The following HECTD4 variants were observed in gnomAD, a reference collection of about 807,000 sequenced individuals.
HECTD4 encodes probable E3 ubiquitin-protein ligase HECTD4.
A neutral mutation model predicts 471.5 loss-of-function variants in HECTD4; 114 were observed. The observed-to-expected ratio is 0.24, with a 90% CI of 0.21 to 0.28. HECTD4 has a LOEUF of 0.28. HECTD4 is among the 10% of genes least tolerant of loss of function. The pLI is 1.00. For missense variants in HECTD4, 3,866 were observed against 5,651.5 expected, an observed-to-expected ratio of 0.68 and a Z score of 10.13; for synonymous variants, 2,012 against 2,256.0, an observed-to-expected ratio of 0.89 and a Z score of 3.07.
intron 1 of HECTD4, among the ~76,000 whole-genome samples, chr12:112,355,650 G>A (rs954399233): frequency 6.6e-6 from 1 of 151,894 alleles, no homozygotes; most frequent in African/African-American, 2.4e-5. Flanking sequence ...TGTGATCCCA[G>A]CTGCTTGGGA....
intron 34 of HECTD4, 62 bp downstream of exon 34, chr12:112,238,990 C>A (rs2135575456): frequency 6.8e-7 from 1 of 1,475,704 alleles, no homozygotes; most frequent in South Asian, 1.4e-5. Flanking sequence ...ATAAAAAAAC[C>A]AATAAACTAA....
rs1405350117 is a variant in HECTD4 at position 112,341,012 on chromosome 12, A to C, written c.178-21270T>G. ...ACAAGGTAAGCACTCAATAACATTTACTAATATTATTTTTAAAAATCTTTT... is the reference window on the plus strand; with the variant it reads ...ACAAGGTAAGCACTCAATAACATTTCCTAATATTATTTTTAAAAATCTTTT... On this transcript the variant is annotated intron_variant, in intron 1 of 75. Transcript: ENST00000682272. 3.9e-5 allele frequency among the ~76,000 whole-genome samples: 6 copies of C among 152,196 alleles called. No homozygotes were observed. In the South Asian group the frequency reaches 8.3e-4, roughly 21 times the overall value.
At position 112,163,764 on chromosome 12, in the gene HECTD4, G is replaced by A; in HGVS notation, c.12702-27C>T. On this transcript the variant is annotated intron_variant, in intron 73 of 75. Coordinates refer to ENST00000682272, the MANE Select transcript of HECTD4 (RefSeq NM_001388303.1). The surrounding 1 kb of genome is among the most constrained non-coding windows in gnomAD (Gnocchi z 8.2). ...TGCCCGGGTGAGGAGCACAGGTGAG[G>A]GAGAACACCGCCGAAGAGGCTGGGT... The A allele has an allele frequency of 7.0e-7, 1 of 1,429,756 alleles. No homozygotes were observed. Among genetic ancestry groups the A allele is most frequent in the Non-Finnish European group, 9.2e-7 (1 of 1,086,652 alleles). 88.6% of individuals were successfully genotyped at this position (1,429,756 alleles called of 1,614,324 possible). A position where few individuals can be genotyped will look rare whatever the true frequency, so the allele number is the denominator to read the frequency against.
At chr12:112,186,473 A>G (rs1343569988) in intron 60 of HECTD4, among the ~76,000 whole-genome samples, 3 of 148,496 alleles carry the variant, frequency 2.0e-5, no homozygotes, top group Non-Finnish European at 3.0e-5. Context: ...CATAGCTGGG[A>G]TTACAGGCTC....
intron 7 of HECTD4, among the ~76,000 whole-genome samples, chr12:112,290,971 A>G (rs1319902744): frequency 6.6e-6 from 1 of 151,992 alleles, no homozygotes; most frequent in Non-Finnish European, 1.5e-5. Flanking sequence ...GATTCTGCTC[A>G]CTTTTTTACC....
chr12:112,319,742 T>C lies in HECTD4; in HGVS notation c.178A>G (p.Ile60Val). ...GGGTTCTTGGTCTCAAAGGTTAAAA[T>C]CTAAGGAAAAAGACGATGGAGAAGT... The part of the protein sequence containing the change: ...APEAADTDLE[I>V]LTFETKNPSE... Residue 60 changes from isoleucine to valine, a missense_variant and splice_region_variant, in exon 2 of 76, where the codon ATT (isoleucine) becomes GTT (valine). Coordinates refer to ENST00000682272, the MANE Select transcript of HECTD4 (RefSeq NM_001388303.1). This position sits in a 1 kb window ranked among gnomAD's most constrained non-coding sequence, Gnocchi z 5.3. 1 of 1,247,748 alleles carries C rather than the reference T, an allele frequency of 8.0e-7. No homozygotes were observed. Among genetic ancestry groups the C allele is most frequent in the Non-Finnish European group, 1.0e-6 (1 of 996,542 alleles). 77.3% of individuals were successfully genotyped at this position (1,247,748 alleles called of 1,614,324 possible).
At chr12:112,328,225 A>T (rs1410263446) in intron 1 of HECTD4, among the ~76,000 whole-genome samples, 1 of 151,896 alleles carries the variant, frequency 6.6e-6, no homozygotes, top group East Asian at 1.9e-4. Flanking sequence ...TGCAACCTCC[A>T]CCACCTGGGC....
Position 112,247,013 on chromosome 12 carries a change from T to C in HECTD4, c.4401A>G (p.Thr1467=), listed in dbSNP as rs1471391808. Reference sequence around the variant, plus strand: ...TCATTAAACTCTTCACTAACGTCTTTGTTTTAGCCAGTGGGTGTGAGGGTT... The same window carrying C: ...TCATTAAACTCTTCACTAACGTCTTCGTTTTAGCCAGTGGGTGTGAGGGTT... ...IQKPSHPLAK[T]KTLVKSLMNR... is the part of the protein sequence containing the mutation. The change falls in exon 29 of 76, where the codon ACA becomes ACG. Residue 1467 remains threonine (T), a synonymous_variant. Coordinates refer to ENST00000682272, the MANE Select transcript of HECTD4 (RefSeq NM_001388303.1). The C allele has an allele frequency of 5.0e-6, 8 of 1,611,608 alleles. No individual in the cohort carries two copies. The Admixed American group carries it at 6.7e-5, about 13-fold the overall frequency.
At chr12:112,292,561 G>T (rs868588018) in intron 7 of HECTD4, among the ~76,000 whole-genome samples, 4 of 152,188 alleles carry the variant, frequency 2.6e-5, no homozygotes, top group South Asian at 2.1e-4. Flanking sequence ...CATGTAGAAG[G>T]CCCTTTGTAA....
chr12:112,243,447 C>A lies in HECTD4; in HGVS notation c.4864G>T (p.Val1622Leu). The change falls in exon 32 of 76, where the codon GTG becomes TTG. Residue 1622 changes from valine (V) to leucine (L), a missense_variant. Val to Leu is a conservative substitution (Grantham distance 32). Transcript: ENST00000682272. The surrounding 1 kb of genome is among the most constrained non-coding windows in gnomAD (Gnocchi z 6.6). ...RRGNTRKQAL[V>L]HMRELLTAAV... is the part of the protein sequence containing the mutation. ...GCTGTCAGCAATTCCCGCATGTGCA[C>A]CAGTGCCTGCTTGCGAGTGTTTCCC... is the stretch of plus-strand genomic sequence containing the variant. 1 of 1,610,570 alleles carries A rather than the reference C, an allele frequency of 6.2e-7. No homozygotes were observed. Among genetic ancestry groups the A allele is most frequent in the Non-Finnish European group, 8.5e-7 (1 of 1,178,512 alleles).
chr12:112,177,795 A>G (rs1310213087), intron 64 of HECTD4, among the ~76,000 whole-genome samples: 1 of 152,250 alleles, frequency 6.6e-6, no homozygotes, highest in African/African-American at 2.4e-5. Context: ...TATGGTACCC[A>G]ACACTGGGCA....
At chr12:112,195,620 A>C (rs2032217663) in intron 55 of HECTD4, among the ~76,000 whole-genome samples, 1 of 152,202 alleles carries the variant, frequency 6.6e-6, no homozygotes, top group Admixed American at 6.5e-5. Flanking sequence ...ATGGGAAGTA[A>C]CTGCTATGGA....
chr12:112,172,606 G>A (rs2031270669), intron 67 of HECTD4, 65 bp downstream of exon 67: 2 of 1,489,074 alleles, frequency 1.3e-6, no homozygotes, highest in Admixed American at 3.4e-5. Context: ...CCTTGTAAAT[G>A]CCCCTTGTCA....
chr12:112,178,811 G>T, intron 64 of HECTD4, 120 bp downstream of exon 64: 1 of 1,183,840 alleles, frequency 8.4e-7, no homozygotes, highest in Non-Finnish European at 1.2e-6. Flanking sequence ...GACAAAGCAT[G>T]ACAAAAAAGG....
Position 112,235,409 on chromosome 12 carries a change from C to T in HECTD4, c.5725+95G>A. Reference sequence around the variant, plus strand: ...TCCCCGCTCCCTTCTCTGTCACTCACTCTTTCATCATAGGAAGCACAGATG... The same window carrying T: ...TCCCCGCTCCCTTCTCTGTCACTCATTCTTTCATCATAGGAAGCACAGATG... On this transcript the variant is annotated intron_variant, in intron 36 of 75. Coordinates refer to ENST00000682272, the MANE Select transcript of HECTD4 (RefSeq NM_001388303.1). This position sits in a 1 kb window ranked among gnomAD's most constrained non-coding sequence, Gnocchi z 5.0. 7.3e-6 allele frequency: 11 copies of T among 1,500,218 alleles called. No individual in the cohort carries two copies. The South Asian group carries it at 9.3e-5, about 13-fold the overall frequency. 92.9% of individuals were successfully genotyped at this position (1,500,218 alleles called of 1,614,324 possible).
chr12:112,165,647 G>A (rs567630988), intron 72 of HECTD4, among the ~76,000 whole-genome samples: 14 of 152,294 alleles, frequency 9.2e-5, no homozygotes, highest in South Asian at 4.1e-4. Context: ...CACCGCGCCC[G>A]GCCTAAGAGC....
At chr12:112,242,184 G>T (rs2135578709) in intron 32 of HECTD4, among the ~76,000 whole-genome samples, 2 of 152,270 alleles carry the variant, frequency 1.3e-5, no homozygotes, top group South Asian at 4.1e-4. Flanking sequence ...GGCAGAAGGA[G>T]GTTGTTAATG....
chr12:112,184,623 G>C lies in HECTD4; in HGVS notation c.10343C>G (p.Ala3448Gly), dbSNP rs757440852. 3 of 1,613,862 alleles carry C rather than the reference G, an allele frequency of 1.9e-6. No homozygotes were observed. Among genetic ancestry groups the C allele is most frequent in the Non-Finnish European group, 2.5e-6 (3 of 1,179,882 alleles). The change falls in exon 61 of 76, where the codon GCC becomes GGC. Residue 3448 changes from alanine to glycine, a missense_variant. By Grantham distance (60) the Ala-to-Gly change is moderately conservative (BLOSUM62 0). Transcript: ENST00000682272. The surrounding 1 kb of genome is among the most constrained non-coding windows in gnomAD (Gnocchi z 9.1). ...EEDTKKPKDK[A>G]EGGDGKVEPE... is the part of the protein sequence containing the mutation. ...CTCAACTTTCCCGTCCCCGCCCTCG[G>C]CCTTGTCTTTTGGCTTCTTGGTGTC...
chr12:112,228,869 T>C lies in HECTD4; in HGVS notation c.6520-58A>G. On this transcript the variant is annotated intron_variant, in intron 41 of 75. Coordinates refer to ENST00000682272, the MANE Select transcript of HECTD4 (RefSeq NM_001388303.1). The surrounding 1 kb of genome is among the most constrained non-coding windows in gnomAD (Gnocchi z 4.9). ...AGCTCTGACGTGTGGGCAGCTGTCT[T>C]ACGAGACAAGAGGAAAAAGTAAATT... 2 of 1,518,514 alleles carry C rather than the reference T, an allele frequency of 1.3e-6. No homozygotes were observed. The highest frequency in any genetic ancestry group is 4.5e-5 in the East Asian group (2 of 44,366). 94.1% of individuals were successfully genotyped at this position (1,518,514 alleles called of 1,614,324 possible). A position where few individuals can be genotyped will look rare whatever the true frequency, so the allele number is the denominator to read the frequency against.
Sources: gnomAD v4.1 joint callset for allele counts (sites outside exome capture counted in the v4.1 genomes callset) on GRCh38, gnomAD v4.1.1 for gene constraint, Gnocchi (gnomAD v3.1) non-coding constraint, MANE v1.5 for transcripts, NCBI Gene and HGNC (gene_info 2026-07-23, HGNC 2026-07-21) for gene names.